The following IDUA variants were observed in gnomAD, a reference collection of about 807,000 sequenced individuals.
The protein encoded by IDUA is alpha-L-iduronidase.
Under a neutral mutation model 68.9 loss-of-function variants are expected in IDUA, and 65 were observed. The observed-to-expected ratio is 0.94, with a 90% CI of 0.77 to 1.16. IDUA has a LOEUF of 1.16. Ranked by LOEUF, IDUA falls within the 50% of genes most tolerant of loss-of-function variation. The pLI, the probability that IDUA is intolerant of heterozygous loss-of-function variation, is 0.00. For synonymous variants in IDUA, 529 were observed against 433.6 expected, an observed-to-expected ratio of 1.22 and a Z score of -2.73; for missense variants, 1,046 against 938.0, an observed-to-expected ratio of 1.12 and a Z score of -1.50.
At chr4:991,497 C>T (rs200926311) in intron 2 of IDUA, 2 of 1,610,098 alleles carry the variant, frequency 1.2e-6, no homozygotes, top group African/African-American at 1.3e-5. Flanking sequence ...CGTCGCCTGC[C>T]AGGTACTCCC....
At chr4:997,943 G>A (rs1477948284) in intron 2 of IDUA, among the ~76,000 whole-genome samples, 4 of 152,240 alleles carry the variant, frequency 2.6e-5, no homozygotes, top group Non-Finnish European at 5.9e-5. Context: ...CCGGGCTATC[G>A]CCTTGGGGTT....
At chr4:993,322 C>T (rs753617489) in intron 2 of IDUA, 2 of 152,252 alleles carry the variant, frequency 1.3e-5, no homozygotes, top group Non-Finnish European at 2.9e-5. Flanking sequence ...CTCACAGGCG[C>T]GGAGGGCCCT....
chr4:999,066 G>A (rs551322111), intron 2 of IDUA, among the ~76,000 whole-genome samples: 66 of 152,162 alleles, frequency 4.3e-4, no homozygotes, highest in South Asian at 8.3e-4. Flanking sequence ...TTAGCCGGGC[G>A]TGGTGGCGGG....
chr4:991,982 G>C lies in IDUA; in HGVS notation c.299+4033G>C, dbSNP rs1407347311. 1.4e-5 allele frequency: 10 copies of C among 716,728 alleles called. No homozygotes were observed. In the East Asian group the frequency reaches 2.8e-4, roughly 20 times the overall value. The allele number at this position is 716,728 out of a possible 1,614,324, so 44.4% of individuals were successfully genotyped here. On this transcript the variant is annotated intron_variant, in intron 2 of 13. Coordinates refer to ENST00000514224, the MANE Select transcript of IDUA (RefSeq NM_000203.5). ...ACACCAAGCCCATGCCATGGGGTGTGCTGAGGCCAGCAGTGCTGAGGGGCG... is the reference window on the plus strand; with the variant it reads ...ACACCAAGCCCATGCCATGGGGTGTCCTGAGGCCAGCAGTGCTGAGGGGCG...
chr4:991,320 C>G, intron 2 of IDUA: 2 of 1,612,844 alleles, frequency 1.2e-6, no homozygotes, highest in Non-Finnish European at 1.7e-6. Flanking sequence ...TGAGGCAAAG[C>G]AGGCTGAAGA....
At chr4:1,002,628 C>T (rs1482235581) in intron 8 of IDUA, 104 bp from the exon 9 acceptor site, 2 of 1,171,000 alleles carry the variant, frequency 1.7e-6, no homozygotes, top group Non-Finnish European at 1.2e-6. Context: ...CCTGGGGACT[C>T]CTTCACCAAG....
chr4:1,001,438 T>G, intron 4 of IDUA, 30 bp from the exon 5 acceptor site: 1 of 1,593,212 alleles, frequency 6.3e-7, no homozygotes, highest in Non-Finnish European at 8.6e-7. Context: ...GATTCACCTG[T>G]GCTGGGGGGA....
At chr4:989,592 G>T in intron 2 of IDUA, 1 of 1,600,554 alleles carries the variant, frequency 6.2e-7, no homozygotes, top group South Asian at 1.1e-5. Flanking sequence ...CCCCCCGCAG[G>T]CTGACCACGA....
chr4:998,194 C>T (rs547962739), intron 2 of IDUA, among the ~76,000 whole-genome samples: 19 of 152,256 alleles, frequency 1.2e-4, no homozygotes, highest in East Asian at 3.9e-4. Flanking sequence ...ACACCCAGCC[C>T]GGGGTACAGG....
In IDUA at chr4:1,002,112, T is replaced by C. The variant is rs752337969; in HGVS notation, c.923T>C (p.Leu308Pro). 7.6e-6 allele frequency: 12 copies of C among 1,571,548 alleles called. No individual in the cohort carries two copies. In the African/African-American group the frequency reaches 1.3e-4, roughly 18 times the overall value. Residue 308 changes from leucine (L) to proline (P), a missense_variant, in exon 7 of 14, where the codon CTG becomes CCG. Coordinates refer to ENST00000514224, the MANE Select transcript of IDUA (RefSeq NM_000203.5). ...GCGGACCCGCTGGTGGGCTGGTCCC[T>C]GCCACAGCCGTGGAGGGCGGACGTG... is the stretch of plus-strand genomic sequence containing the variant. ...DEADPLVGWS[L>P]PQPWRADVTY...
At position 1,003,046 on chromosome 4, in the gene IDUA, C is replaced by T. The variant is rs753138197; in HGVS notation, c.1413C>T (p.Tyr471=). 9 of 1,511,140 alleles carry T rather than the reference C, an allele frequency of 6.0e-6. No homozygotes were observed. The highest frequency in any genetic ancestry group is 1.4e-5 in the African/African-American group (1 of 69,700). The allele number at this position is 1,511,140 out of a possible 1,614,324, so 93.6% of individuals were successfully genotyped here. ...TGTCAGGCCCCGCAGGCCTGGTCTACGTCACGCGCTACCTGGACAACGGGC... is the reference window on the plus strand; with the variant it reads ...TGTCAGGCCCCGCAGGCCTGGTCTATGTCACGCGCTACCTGGACAACGGGC... The part of the protein sequence containing the change: ...RGVPPGPGLV[Y]VTRYLDNGLC... Residue 471 remains tyrosine, a synonymous_variant, in exon 10 of 14, where the codon TAC becomes TAT. Transcript: ENST00000514224.
rs6830825 is a variant in IDUA, at chr4:1,002,131, G to A, written c.942G>A (p.Ala314=). The A allele has an allele frequency of 6.4e-7, 1 of 1,564,236 alleles. No individual in the cohort carries two copies. Reference sequence around the variant, plus strand: ...GGTCCCTGCCACAGCCGTGGAGGGCGGACGTGACCTACGCGGCCATGGTGG... The same window carrying A: ...GGTCCCTGCCACAGCCGTGGAGGGCAGACGTGACCTACGCGGCCATGGTGG... ...VGWSLPQPWR[A]DVTYAAMVVK... is the part of the protein sequence containing the mutation. Residue 314 remains alanine (A), a synonymous_variant, in exon 7 of 14, where the codon GCG becomes GCA. Transcript: ENST00000514224.
Position 1,003,043 on chromosome 4 carries a change from C to G in IDUA, c.1410C>G (p.Val470=), listed in dbSNP as rs779554105. 6.6e-7 allele frequency: 1 copy of G among 1,510,064 alleles called. No homozygotes were observed. Among genetic ancestry groups the G allele is most frequent in the Non-Finnish European group, 8.8e-7 (1 of 1,138,322 alleles). The allele number at this position is 1,510,064 out of a possible 1,614,324, so 93.5% of individuals were successfully genotyped here. Residue 470 remains valine, a synonymous_variant, in exon 10 of 14, where the codon GTC becomes GTG. Coordinates refer to ENST00000514224, the MANE Select transcript of IDUA (RefSeq NM_000203.5). ...GAGTGTCAGGCCCCGCAGGCCTGGT[C>G]TACGTCACGCGCTACCTGGACAACG... ...LRGVPPGPGL[V]YVTRYLDNGL...
rs28392476 is a variant in IDUA at position 992,038 on chromosome 4, C to T, written c.299+4089C>T. Reference sequence around the variant, plus strand: ...GCGGCACCCTGTCCAGGCTCAGCTCCGGCCTATTGGCTCTGCGGTTCCTGG... The same window carrying T: ...GCGGCACCCTGTCCAGGCTCAGCTCTGGCCTATTGGCTCTGCGGTTCCTGG... On this transcript the variant is annotated intron_variant, in intron 2 of 13. Transcript: ENST00000514224. The T allele has an allele frequency of 9.2e-3, 5,441 of 591,344 alleles. 210 individuals are homozygous for T. The highest frequency in any genetic ancestry group is 0.085 in the African/African-American group (4,671 of 55,114). 36.6% of individuals were successfully genotyped at this position (591,344 alleles called of 1,614,324 possible).
rs372786860 is a variant in IDUA at position 1,001,341 on chromosome 4, G to A, written c.494-127G>A. ...CAGCGCTTCCTGATGTGGGGCGGGA[G>A]GCTGGCCTGCATGGAGATGGGGTTC... On this transcript the variant is annotated intron_variant, in intron 4 of 13. Coordinates refer to ENST00000514224, the MANE Select transcript of IDUA (RefSeq NM_000203.5). 1.4e-4 allele frequency: 122 copies of A among 859,302 alleles called. No homozygotes were observed. The African/African-American group carries it at 1.9e-3, about 13-fold the overall frequency. 53.2% of individuals were successfully genotyped at this position (859,302 alleles called of 1,614,324 possible).
chr4:1,001,061 C>T, intron 4 of IDUA, 72 bp downstream of exon 4: 3 of 1,031,976 alleles, frequency 2.9e-6, no homozygotes, highest in Non-Finnish European at 4.5e-6. Context: ...CCCTATCACG[C>T]AGGCTGCTGC....
intron 2 of IDUA, chr4:990,208 A>T: frequency 1.9e-6 from 3 of 1,563,304 alleles, no homozygotes; most frequent in Non-Finnish European, 2.6e-6. Flanking sequence ...GAGGACCACC[A>T]TGCCGGGCCC....
At chr4:989,196 C>G in intron 2 of IDUA, 1 of 1,607,708 alleles carries the variant, frequency 6.2e-7, no homozygotes, top group Non-Finnish European at 8.5e-7. Flanking sequence ...CCTCACCGAC[C>G]CCCGTCTCTG....
rs561852043 is a variant in IDUA at position 1,004,438 on chromosome 4, C to G, written c.*45C>G. The G allele has an allele frequency of 6.2e-7, 1 of 1,600,694 alleles. No individual in the cohort carries two copies. Among genetic ancestry groups the G allele is most frequent in the Non-Finnish European group, 8.5e-7 (1 of 1,175,670 alleles). On this transcript the variant is annotated 3_prime_UTR_variant, in exon 14 of 14. Transcript: ENST00000514224. This position sits in a 1 kb window ranked among gnomAD's most constrained non-coding sequence, Gnocchi z 5.0. ...GGGTTGCACCTCCACCGGCAGTCAG[C>G]GAGCTGGGGCTGCACTGTGCCCATG...
Sources: gnomAD v4.1 joint callset for allele counts (sites outside exome capture counted in the v4.1 genomes callset) on GRCh38, gnomAD v4.1.1 for gene constraint, Gnocchi (gnomAD v3.1) non-coding constraint, MANE v1.5 for transcripts, NCBI Gene and HGNC (gene_info 2026-07-23, HGNC 2026-07-21) for gene names.